TBC1D16: variants seen among roughly 807,000 people sequenced by gnomAD.
TBC1D16 encodes the protein CTD-2529O21.1.
In TBC1D16, 58 loss-of-function variants were observed where a neutral mutation model predicts 74.7. The observed-to-expected ratio is 0.78, with a 90% CI of 0.63 to 0.97. The LOEUF is 0.97. TBC1D16 is among the 50% of genes least tolerant of loss of function. The probability of loss-of-function intolerance (pLI) is 0.00; values close to 1 mark genes in which losing one functional copy is unlikely to be tolerated. For synonymous variants in TBC1D16, 493 were observed against 474.7 expected (o/e 1.04, Z -0.50); for missense variants, 1,014 against 1,079.5 (o/e 0.94, Z 0.85).
rs912994265 is a variant in TBC1D16, at chr17:79,987,075, G to A, written c.779+23085C>T. Among the ~76,000 whole-genome samples, 48 of 152,292 alleles carry A rather than the reference G, an allele frequency of 3.2e-4. No homozygotes were observed. The highest frequency in any genetic ancestry group is 9.9e-4 in the African/African-American group (41 of 41,558). On this transcript the variant is annotated intron_variant, in intron 3 of 11. Coordinates refer to ENST00000310924, the MANE Select transcript of TBC1D16 (RefSeq NM_019020.4). The surrounding 1 kb of genome is among the most constrained non-coding windows in gnomAD (Gnocchi z 5.2). ...AGAGATCAGGGCCAGGATGGGTCACGGGCTGTGCCCAGTGTCGCTGCCCAA... is the reference window on the plus strand; with the variant it reads ...AGAGATCAGGGCCAGGATGGGTCACAGGCTGTGCCCAGTGTCGCTGCCCAA...
In TBC1D16 at chr17:80,009,357, C is replaced by T. The variant is rs561981866; in HGVS notation, c.779+803G>A. ...GCCCCCTGTGCTGGCTCTGGGGCTC[C>T]GGGCTTATGCGACCACACGGGCACT... On this transcript the variant is annotated intron_variant, in intron 3 of 11. Coordinates refer to ENST00000310924, the MANE Select transcript of TBC1D16 (RefSeq NM_019020.4). This position sits in a 1 kb window ranked among gnomAD's most constrained non-coding sequence, Gnocchi z 5.4. Among the ~76,000 whole-genome samples, 1 of 152,292 alleles carries T rather than the reference C, an allele frequency of 6.6e-6. No homozygotes were observed. The highest frequency in any genetic ancestry group is 1.9e-4 in the East Asian group (1 of 5,184).
intron 1 of TBC1D16, 134 bp from the exon 2 acceptor site, chr17:80,013,743 C>T (rs1598427987): frequency 2.0e-6 from 1 of 502,916 alleles, no homozygotes; most frequent in South Asian, 3.4e-5. Context: ...CAGCTCTGTA[C>T]AGGGTAGGCC....
Position 79,934,798 on chromosome 17 carries a change from C to CGAGTGAT in TBC1D16, c.*6054_*6060dup, listed in dbSNP as rs2031482853. 1 of 152,378 alleles carries CGAGTGAT rather than the reference C, an allele frequency of 6.6e-6. No homozygotes were observed. The highest frequency in any genetic ancestry group is 1.9e-4 in the East Asian group (1 of 5,198). 9.4% of individuals were successfully genotyped at this position (152,378 alleles called of 1,614,324 possible). On this transcript the variant is annotated 3_prime_UTR_variant, in exon 12 of 12. Transcript: ENST00000310924. ...AGACAGGCCCTTCAGACATGAGACC[C>CGAGTGAT]GAGTGATGTAGATAAGAGGTATGTT...
intron 1 of TBC1D16, 75 bp from the exon 2 acceptor site, chr17:80,013,684 G>A (rs1039536594): frequency 1.3e-5 from 12 of 904,238 alleles, no homozygotes; most frequent in East Asian, 2.8e-5. Context: ...GTGTCGCCTC[G>A]GCACCCGGTG....
At chr17:80,034,680 G>A (rs1383165748) in intron 1 of TBC1D16, among the ~76,000 whole-genome samples, 1 of 152,126 alleles carries the variant, frequency 6.6e-6, no homozygotes, top group African/African-American at 2.4e-5. Context: ...AAGCTTTCAT[G>A]GTTCTTAAAA....
In TBC1D16 at chr17:79,954,711, G is replaced by T. The variant is rs569139916; in HGVS notation, c.780-1893C>A. ...CCTTCTGTCATCTGCTCATTGAACCGCGGGGCTGCTGTGACTGTGAGAGCT... is the reference window on the plus strand; with the variant it reads ...CCTTCTGTCATCTGCTCATTGAACCTCGGGGCTGCTGTGACTGTGAGAGCT... On this transcript the variant is annotated intron_variant, in intron 3 of 11. Coordinates refer to ENST00000310924, the MANE Select transcript of TBC1D16 (RefSeq NM_019020.4). The surrounding 1 kb of genome is among the most constrained non-coding windows in gnomAD (Gnocchi z 5.5). 1.3e-5 allele frequency among the ~76,000 whole-genome samples: 2 copies of T among 152,152 alleles called. No homozygotes were observed. The highest frequency in any genetic ancestry group is 1.9e-4 in the East Asian group (1 of 5,184).
chr17:79,998,514 A>ATT (rs376951265), intron 3 of TBC1D16, among the ~76,000 whole-genome samples: 75 of 131,826 alleles, frequency 5.7e-4, no homozygotes, highest in Non-Finnish European at 9.4e-4. Flanking sequence ...TATTATTATA[A>ATT]TTTTTTTTTT....
chr17:79,982,802 T>TGAGC (rs2144321493), intron 3 of TBC1D16, among the ~76,000 whole-genome samples: 1 of 152,068 alleles, frequency 6.6e-6, no homozygotes, highest in Non-Finnish European at 1.5e-5. Context: ...GAGATTGCAG[T>TGAGC]GAGCCGAGAT....
At chr17:80,006,154 AC>A (rs2035667987) in intron 3 of TBC1D16, among the ~76,000 whole-genome samples, 1 of 151,398 alleles carries the variant, frequency 6.6e-6, no homozygotes, top group South Asian at 2.1e-4. Context: ...CGGCCCTGAC[AC>A]CCCTCCCCAC....
intron 1 of TBC1D16, among the ~76,000 whole-genome samples, chr17:80,026,803 C>T (rs1458851291): frequency 6.7e-6 from 1 of 149,728 alleles, no homozygotes; most frequent in Non-Finnish European, 1.5e-5. Flanking sequence ...GCAAAGAAAA[C>T]CATTCGTCCT....
At chr17:79,943,228 T>C (rs950382911) in intron 10 of TBC1D16, among the ~76,000 whole-genome samples, 5 of 152,100 alleles carry the variant, frequency 3.3e-5, no homozygotes, top group Non-Finnish European at 7.4e-5. Flanking sequence ...TCTGGGACGG[T>C]CTTGTTTTGG....
chr17:80,006,463 C>T (rs867502693), intron 3 of TBC1D16, among the ~76,000 whole-genome samples: 1 of 152,034 alleles, frequency 6.6e-6, no homozygotes, highest in Non-Finnish European at 1.5e-5. Context: ...AATTAACCAC[C>T]TTAGCCAAGG....
intron 3 of TBC1D16, among the ~76,000 whole-genome samples, chr17:79,991,062 T>G (rs935511615): frequency 6.6e-6 from 1 of 152,252 alleles, no homozygotes; most frequent in African/African-American, 2.4e-5. Context: ...GGGGTGGTCA[T>G]GTATCTGAGC....
chr17:80,017,546 T>C (rs1463877342), intron 1 of TBC1D16, among the ~76,000 whole-genome samples: 1 of 151,846 alleles, frequency 6.6e-6, no homozygotes, highest in Non-Finnish European at 1.5e-5. Flanking sequence ...CCGGGCGTGA[T>C]GGTGCATGCC....
rs533726156 is a variant in TBC1D16, at chr17:80,010,228, G to A, written c.711C>T (p.Phe237=). ...DSDSDTFSSP[F]CLSPISAALA... is the part of the protein sequence containing the mutation. ...GCGCCGCGCTGATGGGCGAGAGGCA[G>A]AAGGGCGAGGAGAAGGTGTCTGAGT... Residue 237 remains phenylalanine (F), a synonymous_variant, in exon 3 of 12, where the codon TTC becomes TTT. Coordinates refer to ENST00000310924, the MANE Select transcript of TBC1D16 (RefSeq NM_019020.4). This position sits in a 1 kb window ranked among gnomAD's most constrained non-coding sequence, Gnocchi z 8.8. The A allele has an allele frequency of 6.2e-7, 1 of 1,613,386 alleles. No individual in the cohort carries two copies. Among genetic ancestry groups the A allele is most frequent in the East Asian group, 2.2e-5 (1 of 44,864 alleles).
chr17:79,951,539 C>G lies in TBC1D16; in HGVS notation c.1000G>C (p.Val334Leu), dbSNP rs1014164655. 9 of 1,613,984 alleles carry G rather than the reference C, an allele frequency of 5.6e-6. No individual in the cohort carries two copies. The highest frequency in any genetic ancestry group is 2.7e-5 in the African/African-American group (2 of 74,928). ...VVASRESQYK[V>L]FHFHHGGLDK... ...AGGCCGCCGTGGTGGAAGTGGAAAACCTTGTACTGGCTCTCTCGGCTGGCA... is the reference window on the plus strand; with the variant it reads ...AGGCCGCCGTGGTGGAAGTGGAAAAGCTTGTACTGGCTCTCTCGGCTGGCA... Residue 334 changes from valine to leucine, a missense_variant, in exon 5 of 12, where the codon GTT (valine) becomes CTT (leucine). Physicochemically the swap from Val to Leu is conservative, Grantham distance 32 (BLOSUM62 1). Transcript: ENST00000310924.
chr17:79,988,753 C>CAATCTAA lies in TBC1D16; in HGVS notation c.779+21406_779+21407insTTAGATT, dbSNP rs2034946814. On this transcript the variant is annotated intron_variant, in intron 3 of 11. Transcript: ENST00000310924. The surrounding 1 kb of genome is among the most constrained non-coding windows in gnomAD (Gnocchi z 5.7). Reference sequence around the variant, plus strand: ...ACCTCAAAGCAAAACTTAGAAGGCCCCTGCTTGTTTTATCAGTTAGAGCCA... The same window carrying CAATCTAA: ...ACCTCAAAGCAAAACTTAGAAGGCCCAATCTAACTGCTTGTTTTATCAGTTAGAGCCA... 1.3e-5 allele frequency among the ~76,000 whole-genome samples: 2 copies of CAATCTAA among 152,232 alleles called. No individual in the cohort carries two copies. Among genetic ancestry groups the CAATCTAA allele is most frequent in the Non-Finnish European group, 2.9e-5 (2 of 68,038 alleles).
intron 3 of TBC1D16, among the ~76,000 whole-genome samples, chr17:79,997,054 G>C (rs1276636903): frequency 6.6e-6 from 1 of 152,196 alleles, no homozygotes; most frequent in Non-Finnish European, 1.5e-5. Context: ...ATCATGCAGG[G>C]TTCCAGTTAC....
At chr17:79,963,229 C>CAAA (rs936438516) in intron 3 of TBC1D16, among the ~76,000 whole-genome samples, 1 of 144,418 alleles carries the variant, frequency 6.9e-6, no homozygotes. Flanking sequence ...AAAAAAAAAG[C>CAAA]AAAAAAAAAA....
Sources: allele counts gnomAD v4.1 joint callset (sites outside exome capture counted in the v4.1 genomes callset), GRCh38; gene constraint gnomAD v4.1.1; non-coding constraint Gnocchi (gnomAD v3.1); transcripts MANE v1.5; gene names NCBI Gene and HGNC (gene_info 2026-07-23, HGNC 2026-07-21).